DNM2: variants seen among roughly 807,000 people sequenced by gnomAD.
The protein encoded by DNM2 is dynamin-2.
Under a neutral mutation model 99.0 loss-of-function variants are expected in DNM2, and 15 were observed. That is an observed-to-expected ratio of 0.15 (90% CI 0.10 to 0.23). DNM2 has a LOEUF of 0.23. Ranked by LOEUF, DNM2 falls within the 10% of genes least tolerant of loss-of-function variation. DNM2 has a pLI of 1.00. For missense variants in DNM2, 742 were observed against 1,189.4 expected (o/e 0.62, Z 5.53); for synonymous variants, 525 against 481.2 (o/e 1.09, Z -1.19).
At chr19:10,824,834 T>C (rs1599630614) in intron 17 of DNM2, 24 of 627,982 alleles carry the variant, frequency 3.8e-5, no homozygotes, top group African/African-American at 1.7e-4. Context: ...AAAAACAACG[T>C]TCCAATGCCC....
At chr19:10,779,402 G>A (rs1355690840) in intron 5 of DNM2, among the ~76,000 whole-genome samples, 6 of 150,138 alleles carry the variant, frequency 4.0e-5, no homozygotes, top group Non-Finnish European at 8.9e-5. Context: ...ATGAGCCTGC[G>A]TTGACCCATT....
At chr19:10,823,030 G>A (rs995247586) in intron 16 of DNM2, among the ~76,000 whole-genome samples, 22 of 151,672 alleles carry the variant, frequency 1.5e-4, no homozygotes, top group Admixed American at 6.6e-5. Flanking sequence ...GTGTGAACCC[G>A]GGAGGCGGAG....
At position 10,723,392 on chromosome 19, in the gene DNM2, C is replaced by G. The variant is rs1357509283; in HGVS notation, c.161+4989C>G. On this transcript the variant is annotated intron_variant, in intron 1 of 20. Transcript: ENST00000389253. ...AGGTGATCTGCCGGCCATGGCCTCC[C>G]AAAGTGCTGGGATTACAGGCGTGAG... Among the ~76,000 whole-genome samples, 96 of 152,270 alleles carry G rather than the reference C, an allele frequency of 6.3e-4. 2 individuals carry two copies. Among genetic ancestry groups the G allele is most frequent in the Non-Finnish European group, 4.4e-5 (3 of 68,022 alleles).
In DNM2 at chr19:10,798,503, G is replaced by T; in HGVS notation, c.1353G>T (p.Arg451=). 1 of 1,614,138 alleles carries T rather than the reference G, an allele frequency of 6.2e-7. No homozygotes were observed. Among genetic ancestry groups the T allele is most frequent in the South Asian group, 1.1e-5 (1 of 91,088 alleles). The part of the protein sequence containing the change: ...KCAEKLSSYP[R]LREETERIVT... ...TCCCCCAGCTCAGTTCCTACCCCCGGTTGCGAGAGGAGACAGAGCGAATCG... is the reference window on the plus strand; with the variant it reads ...TCCCCCAGCTCAGTTCCTACCCCCGTTTGCGAGAGGAGACAGAGCGAATCG... Residue 451 remains arginine, a synonymous_variant, in exon 11 of 21, where the codon CGG becomes CGT. Transcript: ENST00000389253.
intron 2 of DNM2, among the ~76,000 whole-genome samples, chr19:10,767,355 A>C (rs2070832141): frequency 6.6e-6 from 1 of 152,164 alleles, no homozygotes; most frequent in Admixed American, 6.5e-5. Flanking sequence ...CTTGTCATCC[A>C]GGCTGGAGTG....
chr19:10,831,257 G>A lies in DNM2; in HGVS notation c.*210G>A, dbSNP rs1247880853. ...AAAGGGGCCCTGGAGCTCCAGGCAG[G>A]GGGCGCTGGGGTGTTGCACTTTGGG... On this transcript the variant is annotated 3_prime_UTR_variant, in exon 21 of 21. Coordinates refer to ENST00000389253, the MANE Select transcript of DNM2 (RefSeq NM_001005361.3). This position sits in a 1 kb window ranked among gnomAD's most constrained non-coding sequence, Gnocchi z 4.3. The A allele has an allele frequency of 3.8e-6, 5 of 1,324,254 alleles. No homozygotes were observed. The highest frequency in any genetic ancestry group is 3.1e-5 in the African/African-American group (2 of 64,990). 82.0% of individuals were successfully genotyped at this position (1,324,254 alleles called of 1,614,324 possible).
intron 7 of DNM2, among the ~76,000 whole-genome samples, chr19:10,791,696 A>ACCCTCC (rs2071759020): frequency 6.6e-6 from 1 of 150,938 alleles, no homozygotes; most frequent in Non-Finnish European, 1.5e-5. Flanking sequence ...TCCTTGCCTA[A>ACCCTCC]CCCTCCCCCT....
At chr19:10,786,525 C>T (rs1470842683) in intron 6 of DNM2, 39 bp from the exon 7 acceptor site, 9 of 1,613,346 alleles carry the variant, frequency 5.6e-6, no homozygotes, top group Admixed American at 5.0e-5. Flanking sequence ...GGTATCCTGC[C>T]CATGCCACCC....
chr19:10,734,638 CAAAA>C (rs61458566), intron 1 of DNM2, among the ~76,000 whole-genome samples: 1 of 58,538 alleles, frequency 1.7e-5, no homozygotes, highest in Non-Finnish European at 2.9e-5. Context: ...GACCCTGTCT[CAAAA>C]AAAAAAAAAA....
intron 1 of DNM2, among the ~76,000 whole-genome samples, chr19:10,740,032 C>T (rs190905998): frequency 1.2e-3 from 185 of 152,120 alleles, no homozygotes; most frequent in Non-Finnish European, 2.0e-3. Context: ...AGGAATTTGT[C>T]CATTTCATCT....
intron 2 of DNM2, among the ~76,000 whole-genome samples, chr19:10,766,087 G>T (rs941502517): frequency 2.0e-5 from 3 of 152,202 alleles, no homozygotes; most frequent in African/African-American, 7.2e-5. Flanking sequence ...CCCGGAGCTG[G>T]GTGTCGCTAG....
At chr19:10,719,103 T>C (rs1319258072) in intron 1 of DNM2, among the ~76,000 whole-genome samples, 1 of 152,182 alleles carries the variant, frequency 6.6e-6, no homozygotes, top group East Asian at 1.9e-4. Flanking sequence ...TCTGGCTGAC[T>C]CTTACAGCTT....
rs375653221 is a variant in DNM2, at chr19:10,798,523, G to A, written c.1373G>A (p.Arg458Gln). Residue 458 changes from arginine (R) to glutamine (Q), a missense_variant, in exon 11 of 21, where the codon CGA (arginine) becomes CAA (glutamine). Physicochemically the swap from Arg to Gln is conservative, Grantham distance 43. Coordinates refer to ENST00000389253, the MANE Select transcript of DNM2 (RefSeq NM_001005361.3). ...CCCCGGTTGCGAGAGGAGACAGAGC[G>A]AATCGTCACCACTTACATCCGGGAA... Reference protein sequence around the residue: ...SYPRLREETERIVTTYIRERE... With the variant: ...SYPRLREETEQIVTTYIRERE... 37 of 1,614,068 alleles carry A rather than the reference G, an allele frequency of 2.3e-5. No homozygotes were observed. Among genetic ancestry groups the A allele is most frequent in the African/African-American group, 6.7e-5 (5 of 74,922 alleles).
intron 1 of DNM2, among the ~76,000 whole-genome samples, chr19:10,730,878 T>C (rs2069289024): frequency 2.0e-5 from 3 of 152,130 alleles, no homozygotes; most frequent in African/African-American, 2.4e-5. Flanking sequence ...CTCTTTCTGT[T>C]ACAAGAGACC....
intron 3 of DNM2, among the ~76,000 whole-genome samples, chr19:10,773,610 G>C (rs1414517384): frequency 6.6e-6 from 1 of 151,702 alleles, no homozygotes; most frequent in South Asian, 2.1e-4. Flanking sequence ...CACCCTGCCT[G>C]GCTAATTTTT....
intron 2 of DNM2, among the ~76,000 whole-genome samples, chr19:10,771,333 C>T (rs2070971818): frequency 6.6e-6 from 1 of 152,184 alleles, no homozygotes; most frequent in South Asian, 2.1e-4. Flanking sequence ...CACTGCTTGT[C>T]AATTACTTAT....
At chr19:10,824,732 C>T (rs1032196414) in intron 17 of DNM2, 4 of 397,140 alleles carry the variant, frequency 1.0e-5, no homozygotes, top group African/African-American at 6.2e-5. Flanking sequence ...TGAGCTCTCC[C>T]TGGGAGGTTG....
At chr19:10,757,377 C>T (rs1164930371) in intron 1 of DNM2, among the ~76,000 whole-genome samples, 1 of 152,198 alleles carries the variant, frequency 6.6e-6, no homozygotes, top group Admixed American at 6.5e-5. Context: ...TCCCCCCCGA[C>T]GCCAGCCACT....
chr19:10,757,713 G>C (rs1483521062), intron 1 of DNM2, among the ~76,000 whole-genome samples: 1 of 152,110 alleles, frequency 6.6e-6, no homozygotes, highest in Non-Finnish European at 1.5e-5. Context: ...GGGAGGCCAA[G>C]GCGGGCAGAT....
Sources: allele counts gnomAD v4.1 joint callset (sites outside exome capture counted in the v4.1 genomes callset), GRCh38; gene constraint gnomAD v4.1.1; non-coding constraint Gnocchi (gnomAD v3.1); transcripts MANE v1.5; gene names NCBI Gene and HGNC (gene_info 2026-07-23, HGNC 2026-07-21).